Variants in LRRTM4 observed in about 807,000 individuals in gnomAD.
LRRTM4 encodes the protein leucine rich repeat transmembrane neuronal 4.
A neutral mutation model predicts 47.6 loss-of-function variants in LRRTM4; 25 were observed. The ratio of observed to expected loss-of-function variants is 0.53; its 90% CI spans 0.38 to 0.73. LRRTM4 has a LOEUF of 0.73. Ranked by LOEUF, LRRTM4 falls within the 30% of genes least tolerant of loss-of-function variation. The pLI is 0.00. For synonymous variants in LRRTM4, 311 were observed against 269.5 expected (o/e 1.15, Z -1.51); for missense variants, 638 against 713.4 (o/e 0.89, Z 1.20).
chr2:76,889,418 T>C (rs986430701), intron 3 of LRRTM4, among the ~76,000 whole-genome samples: 2 of 151,972 alleles, frequency 1.3e-5, no homozygotes, highest in African/African-American at 2.4e-5. Context: ...TCTTGAAATA[T>C]GTCTTTCGTT....
intron 3 of LRRTM4, among the ~76,000 whole-genome samples, chr2:77,250,397 T>C (rs1218475112): frequency 6.6e-6 from 1 of 152,160 alleles, no homozygotes; most frequent in East Asian, 1.9e-4. Flanking sequence ...GGGGAACATA[T>C]GCATAGATGG....
chr2:77,452,648 C>A (rs1312863226), intron 3 of LRRTM4, among the ~76,000 whole-genome samples: 3 of 152,178 alleles, frequency 2.0e-5, no homozygotes, highest in African/African-American at 7.2e-5. Context: ...CTGCCATCAC[C>A]ATCTTAAAAT....
At chr2:76,935,274 G>A (rs185105116) in intron 3 of LRRTM4, among the ~76,000 whole-genome samples, 6 of 152,272 alleles carry the variant, frequency 3.9e-5, no homozygotes, top group Admixed American at 3.9e-4. Context: ...ATAGTGTGAA[G>A]TCAGGTAGTG....
intron 3 of LRRTM4, among the ~76,000 whole-genome samples, chr2:77,471,316 C>T (rs1677179603): frequency 1.3e-5 from 2 of 152,040 alleles, no homozygotes; most frequent in Admixed American, 1.3e-4. Context: ...AAATAATTTC[C>T]AAGAATGACT....
chr2:76,854,906 A>C (rs1672104014), intron 3 of LRRTM4, among the ~76,000 whole-genome samples: 1 of 151,996 alleles, frequency 6.6e-6, no homozygotes, highest in Admixed American at 6.6e-5. Flanking sequence ...GATATTTTAG[A>C]AGTTGATAGC....
At chr2:77,178,415 G>A (rs536881795) in intron 3 of LRRTM4, among the ~76,000 whole-genome samples, 9 of 152,092 alleles carry the variant, frequency 5.9e-5, no homozygotes, top group South Asian at 4.2e-4. Context: ...GTGAAACCCC[G>A]TCTCTACCGA....
chr2:77,027,832 CATATT>C (rs1284627541), intron 3 of LRRTM4, among the ~76,000 whole-genome samples: 1 of 151,972 alleles, frequency 6.6e-6, no homozygotes, highest in East Asian at 1.9e-4. Flanking sequence ...TTGATTTTAA[CATATT>C]ATATATTCAA....
intron 3 of LRRTM4, among the ~76,000 whole-genome samples, chr2:77,174,506 G>C (rs1302129413): frequency 6.6e-6 from 1 of 152,110 alleles, no homozygotes; most frequent in Non-Finnish European, 1.5e-5. Context: ...CCCTCAAAGG[G>C]TAACCGGTAG....
chr2:77,250,748 T>C (rs1168504395), intron 3 of LRRTM4, among the ~76,000 whole-genome samples: 1 of 152,156 alleles, frequency 6.6e-6, no homozygotes, highest in Non-Finnish European at 1.5e-5. Context: ...AAGGCATACA[T>C]TGTGTGCAGC....
intron 3 of LRRTM4, among the ~76,000 whole-genome samples, chr2:76,946,516 C>T (rs1361771540): frequency 2.0e-5 from 3 of 151,730 alleles, no homozygotes; most frequent in Non-Finnish European, 2.9e-5. Flanking sequence ...TATCAAAGGT[C>T]AGGCTTTTGG....
At chr2:77,220,100 T>C (rs1674576001) in intron 3 of LRRTM4, among the ~76,000 whole-genome samples, 1 of 152,182 alleles carries the variant, frequency 6.6e-6, no homozygotes, top group African/African-American at 2.4e-5. Flanking sequence ...AAACAGGGTC[T>C]GGAGTGGACC....
chr2:77,032,602 A>G (rs1232334642), intron 3 of LRRTM4, among the ~76,000 whole-genome samples: 1 of 152,172 alleles, frequency 6.6e-6, no homozygotes, highest in Non-Finnish European at 1.5e-5. Flanking sequence ...TGTTTTATTC[A>G]AATTTAATCC....
intron 3 of LRRTM4, among the ~76,000 whole-genome samples, chr2:77,223,336 A>G (rs557748957): frequency 3.9e-5 from 6 of 152,194 alleles, no homozygotes; most frequent in Admixed American, 6.5e-5. Flanking sequence ...CCTATTCAAC[A>G]TAGTGTTGGA....
At chr2:76,921,693 T>C (rs1193414467) in intron 3 of LRRTM4, among the ~76,000 whole-genome samples, 2 of 152,108 alleles carry the variant, frequency 1.3e-5, no homozygotes, top group Admixed American at 1.3e-4. Context: ...GTTTTGGCAG[T>C]TAGGTATCTT....
intron 3 of LRRTM4, among the ~76,000 whole-genome samples, chr2:77,050,710 T>C (rs1035294769): frequency 6.6e-6 from 1 of 152,190 alleles, no homozygotes; most frequent in African/African-American, 2.4e-5. Context: ...TTCTTTTTGC[T>C]AGCTGTGTGA....
intron 3 of LRRTM4, among the ~76,000 whole-genome samples, chr2:77,191,056 A>T (rs1673656522): frequency 6.6e-6 from 1 of 152,206 alleles, no homozygotes; most frequent in Non-Finnish European, 1.5e-5. Flanking sequence ...TAATTATAGC[A>T]AACTTTCTAT....
chr2:77,363,671 G>T (rs9309514), intron 3 of LRRTM4, among the ~76,000 whole-genome samples: 70,454 of 151,962 alleles, frequency 0.46, 16,789 homozygotes, highest in East Asian at 0.66. Flanking sequence ...ATGAATGTGC[G>T]CTTCAAAATG....
chr2:76,841,526 G>C (rs923187247), intron 3 of LRRTM4, among the ~76,000 whole-genome samples: 2 of 151,874 alleles, frequency 1.3e-5, no homozygotes, highest in African/African-American at 4.8e-5. Context: ...ACACTGGGAT[G>C]GGAAGGAAAT....
At chr2:77,285,652 G>A (rs986161203) in intron 3 of LRRTM4, among the ~76,000 whole-genome samples, 1 of 151,824 alleles carries the variant, frequency 6.6e-6, no homozygotes, top group Non-Finnish European at 1.5e-5. Flanking sequence ...TGAGGCAGGA[G>A]AATTGCTTGA....
Sources: allele counts gnomAD v4.1 joint callset (sites outside exome capture counted in the v4.1 genomes callset), GRCh38; gene constraint gnomAD v4.1.1; transcripts MANE v1.5; gene names NCBI Gene and HGNC (gene_info 2026-07-23, HGNC 2026-07-21).